NTRK3: variants seen among roughly 807,000 people sequenced by gnomAD.
NTRK3 encodes the protein neurotrophic receptor tyrosine kinase 3.
A neutral mutation model predicts 91.7 loss-of-function variants in NTRK3; 24 were observed. The ratio of observed to expected loss-of-function variants is 0.26; its 90% confidence interval spans 0.19 to 0.37. The LOEUF (loss-of-function observed/expected upper bound fraction) is 0.37, where lower values mean the gene tolerates loss of function less well. Among genes scored for constraint, NTRK3 ranks in the 10% least tolerant of loss-of-function variants. The probability of loss-of-function intolerance (pLI) is 1.00; values close to 1 mark genes in which losing one functional copy is unlikely to be tolerated. For synonymous variants in NTRK3, 483 were observed against 404.0 expected, an observed-to-expected ratio of 1.20 and a Z score of -2.34; for missense variants, 880 against 1,068.9, an observed-to-expected ratio of 0.82 and a Z score of 2.46.
Position 87,900,690 on chromosome 15 carries a change from G to GGTGTGTGTGTGT in NTRK3, c.2134-20274_2134-20263dup, listed in dbSNP as rs61498493. 3.1e-4 allele frequency among the ~76,000 whole-genome samples: 43 copies of GGTGTGTGTGTGT among 138,334 alleles called. No individual in the cohort carries two copies. In the South Asian group the frequency reaches 4.6e-3, roughly 15 times the overall value. The allele number at this position is 138,334 out of a possible 152,430, so 90.8% of individuals were successfully genotyped here. ...GCATCAGCAGCCTGACTTTACAGAGGGTGTGTGTGTGTGTGTGTGTGTGTG... is the reference window on the plus strand; with the variant it reads ...GCATCAGCAGCCTGACTTTACAGAGGGTGTGTGTGTGTGTGTGTGTGTGTGTGTGTGTGTGTG... On this transcript the variant is annotated intron_variant, in intron 17 of 18. Transcript: ENST00000394480.
chr15:88,044,959 C>A (rs1428046262), intron 13 of NTRK3, among the ~76,000 whole-genome samples: 1 of 152,218 alleles, frequency 6.6e-6, no homozygotes, highest in Non-Finnish European at 1.5e-5. Context: ...CAGGCCCTAC[C>A]TTTGCATAGG....
chr15:87,868,968 G>A (rs1054436695), exon 19 of NTRK3: 3 of 227,754 alleles, frequency 1.3e-5, no homozygotes, highest in African/African-American at 6.7e-5. Flanking sequence ...TGAATCCCTA[G>A]AGGATTGCAG....
chr15:88,094,913 G>T (rs918741804), intron 13 of NTRK3, among the ~76,000 whole-genome samples: 2 of 152,196 alleles, frequency 1.3e-5, no homozygotes, highest in East Asian at 3.8e-4. Context: ...AATCTGATTG[G>T]CCAAATGTTT....
intron 14 of NTRK3, among the ~76,000 whole-genome samples, chr15:88,018,135 C>T (rs1262247939): frequency 6.6e-6 from 1 of 152,222 alleles, no homozygotes; most frequent in East Asian, 1.9e-4. Flanking sequence ...TCAAGGGTAG[C>T]TCTTGCATCA....
chr15:87,861,626 T>A lies in NTRK3; in HGVS notation c.*15309A>T, dbSNP rs563701519. 2.1e-4 allele frequency: 41 copies of A among 193,008 alleles called. No homozygotes were observed. The East Asian group carries it at 2.9e-3, about 14-fold the overall frequency. The allele number at this position is 193,008 out of a possible 1,614,324, so 12.0% of individuals were successfully genotyped here. On this transcript the variant is annotated 3_prime_UTR_variant, in exon 19 of 19. Coordinates refer to ENST00000394480, the Ensembl canonical transcript of NTRK3. ...TCACTTAGGGAAGGGAAAAAAAAAA[T>A]CCCACTTAGCCAGTGCCGGCTGAGA...
At chr15:87,952,464 T>G (rs2071221386) in intron 14 of NTRK3, among the ~76,000 whole-genome samples, 1 of 152,116 alleles carries the variant, frequency 6.6e-6, no homozygotes, top group South Asian at 2.1e-4. Flanking sequence ...AGGTGTGCAG[T>G]GGAGCGCTGG....
chr15:88,195,934 A>G (rs1441609965), intron 3 of NTRK3, among the ~76,000 whole-genome samples: 1 of 152,172 alleles, frequency 6.6e-6, no homozygotes, highest in East Asian at 1.9e-4. Flanking sequence ...GGAAAATATG[A>G]AATGGCCAGG....
rs746072042 is a variant in NTRK3, at chr15:87,940,765, G to A, written c.1586-12C>T. ...AATGTGCTGCACATCTGTAGGATGG[G>A]GACAAAGAGGAGGGCAGCAAATCAG... is the stretch of plus-strand genomic sequence containing the variant. On this transcript the variant is annotated splice_polypyrimidine_tract_variant and intron_variant, in intron 14 of 18. Transcript: ENST00000394480. 20 of 1,614,116 alleles carry A rather than the reference G, an allele frequency of 1.2e-5. No homozygotes were observed. Among genetic ancestry groups the A allele is most frequent in the African/African-American group, 2.7e-5 (2 of 75,048 alleles).
chr15:88,135,483 C>G, intron 9 of NTRK3, 86 bp from the exon 10 acceptor site: 7 of 1,441,382 alleles, frequency 4.9e-6, no homozygotes, highest in Non-Finnish European at 6.6e-6. Context: ...ATGGGAATCC[C>G]GGTTCTTCCC....
intron 16 of NTRK3, 27 bp from the exon 17 acceptor site, chr15:87,929,461 G>C (rs772953002): frequency 6.2e-7 from 1 of 1,611,804 alleles, no homozygotes; most frequent in East Asian, 2.2e-5. Context: ...AGAAGAGAGG[G>C]GGCAGAGAGA....
At chr15:88,100,660 A>G (rs1259016136) in intron 13 of NTRK3, among the ~76,000 whole-genome samples, 1 of 152,204 alleles carries the variant, frequency 6.6e-6, no homozygotes, top group Non-Finnish European at 1.5e-5. Context: ...ACTTGAAAAC[A>G]TGACCCTCTG....
At chr15:88,215,392 T>C (rs998431308) in intron 3 of NTRK3, among the ~76,000 whole-genome samples, 10 of 152,202 alleles carry the variant, frequency 6.6e-5, no homozygotes, top group African/African-American at 2.2e-4. Flanking sequence ...CTCGTGCAGA[T>C]ATTCACTCTG....
intron 3 of NTRK3, among the ~76,000 whole-genome samples, chr15:88,250,075 A>G (rs1375781185): frequency 3.9e-5 from 6 of 152,220 alleles, no homozygotes; most frequent in African/African-American, 1.4e-4. Context: ...TCCTGGAAGT[A>G]TCTTTCTCTG....
At chr15:88,137,618 T>A in intron 6 of NTRK3, 57 bp from the exon 7 acceptor site, 1 of 1,582,202 alleles carries the variant, frequency 6.3e-7, no homozygotes, top group Non-Finnish European at 8.6e-7. Flanking sequence ...CCCAGGACCC[T>A]CCCAGGGCTA....
chr15:88,172,231 A>T (rs763354827), intron 5 of NTRK3, among the ~76,000 whole-genome samples: 11 of 152,242 alleles, frequency 7.2e-5, no homozygotes, highest in Non-Finnish European at 1.5e-4. Flanking sequence ...AACAAGGGAG[A>T]AAGAGACACA....
chr15:88,110,883 C>G (rs1299126460), intron 13 of NTRK3, among the ~76,000 whole-genome samples: 1 of 152,088 alleles, frequency 6.6e-6, no homozygotes, highest in African/African-American at 2.4e-5. Context: ...GCAGGGCACA[C>G]ACTGAAGGGG....
chr15:87,971,207 A>G (rs1037394719), intron 14 of NTRK3, among the ~76,000 whole-genome samples: 54 of 152,168 alleles, frequency 3.5e-4, no homozygotes, highest in African/African-American at 1.2e-3. Flanking sequence ...GCCCACTGAC[A>G]GTGGGAGGAA....
intron 17 of NTRK3, among the ~76,000 whole-genome samples, chr15:87,898,174 C>T (rs1400789096): frequency 2.0e-5 from 3 of 152,206 alleles, no homozygotes; most frequent in Non-Finnish European, 4.4e-5. Context: ...AGGACTTAGA[C>T]ATTCTGCCCA....
chr15:88,092,787 C>T (rs1299817779), intron 13 of NTRK3, among the ~76,000 whole-genome samples: 1 of 152,180 alleles, frequency 6.6e-6, no homozygotes, highest in South Asian at 2.1e-4. Flanking sequence ...TACATCACTC[C>T]AATCTTCAAG....
Sources: allele counts gnomAD v4.1 joint callset (sites outside exome capture counted in the v4.1 genomes callset), GRCh38; gene constraint gnomAD v4.1.1; transcripts MANE v1.5; gene names NCBI Gene and HGNC (gene_info 2026-07-23, HGNC 2026-07-21).